TLCD3B: variants seen among roughly 807,000 people sequenced by gnomAD.
TLCD3B encodes the protein TLC domain containing 3B, also known as ceramide synthase.
TLCD3B carries 9 observed loss-of-function variants against 23.0 expected under a neutral mutation model. That is an observed-to-expected ratio of 0.39 (90% confidence interval 0.24 to 0.68). The LOEUF (loss-of-function observed/expected upper bound fraction) is 0.68. TLCD3B is among the 30% of genes least tolerant of loss of function. The probability of loss-of-function intolerance (pLI) is 0.44; values close to 1 mark genes in which losing one functional copy is unlikely to be tolerated. For synonymous variants in TLCD3B, 161 were observed against 161.0 expected (o/e 1.00, Z 0.00); for missense variants, 307 against 371.8 (o/e 0.83, Z 1.43).
chr16:30,030,696 G>A lies in TLCD3B; in HGVS notation c.-169C>T, dbSNP rs1414942154. ...GGGACGGGATGGGGCCAGGGAGTCC[G>A]ATGAAACTGGGGAGTCGGGAGGGGG... is the stretch of plus-strand genomic sequence containing the variant. On this transcript the variant is annotated 5_prime_UTR_variant, in exon 1 of 5. Coordinates refer to ENST00000380495, the MANE Select transcript of TLCD3B (RefSeq NM_031478.6). 17 of 980,646 alleles carry A rather than the reference G, an allele frequency of 1.7e-5. No individual in the cohort carries two copies. Among genetic ancestry groups the A allele is most frequent in the Non-Finnish European group, 1.8e-5 (15 of 822,762 alleles). 60.7% of individuals were successfully genotyped at this position (980,646 alleles called of 1,614,324 possible). A position where few individuals can be genotyped will look rare whatever the true frequency, so the allele number is the denominator to read the frequency against.
intron 2 of TLCD3B, among the ~76,000 whole-genome samples, chr16:30,045,807 C>T (rs2071665119): frequency 6.6e-6 from 1 of 150,774 alleles, no homozygotes; most frequent in Admixed American, 6.7e-5. Flanking sequence ...ACCACATACT[C>T]TGAACCCTTG....
At chr16:30,028,514 C>T (rs2071243824) in intron 2 of TLCD3B, among the ~76,000 whole-genome samples, 1 of 152,128 alleles carries the variant, frequency 6.6e-6, no homozygotes, top group Non-Finnish European at 1.5e-5. Flanking sequence ...CAGCCAAGTC[C>T]CTGGGCGGGG....
In TLCD3B at chr16:30,029,387, GC is replaced by G; in HGVS notation, c.209+44del. 6.4e-7 allele frequency: 1 copy of G among 1,556,778 alleles called. No individual in the cohort carries two copies. Among genetic ancestry groups the G allele is most frequent in the Non-Finnish European group, 8.8e-7 (1 of 1,130,102 alleles). On this transcript the variant is annotated intron_variant, in intron 2 of 4. Coordinates refer to ENST00000380495, the MANE Select transcript of TLCD3B (RefSeq NM_031478.6). This position sits in a 1 kb window ranked among gnomAD's most constrained non-coding sequence, Gnocchi z 4.6. ...GGGTCTTCCGGGATTACCCGTACAC[GC>G]CAACCACTGGCACCTGGGCAGGGGG...
intron 3 of TLCD3B, among the ~76,000 whole-genome samples, chr16:30,037,128 G>C (rs965703520): frequency 1.4e-4 from 21 of 151,084 alleles, no homozygotes; most frequent in Non-Finnish European, 8.9e-5. Flanking sequence ...AAAAAAAACA[G>C]CAAGTGCAGT....
chr16:30,027,925 G>A (rs2150979290), intron 2 of TLCD3B, among the ~76,000 whole-genome samples: 1 of 152,326 alleles, frequency 6.6e-6, no homozygotes, highest in East Asian at 1.9e-4. Context: ...TGAGGCCTCT[G>A]AGGATGGGGA....
chr16:30,042,838 C>T (rs1024742752), intron 2 of TLCD3B, among the ~76,000 whole-genome samples: 5 of 152,046 alleles, frequency 3.3e-5, no homozygotes, highest in African/African-American at 1.2e-4. Flanking sequence ...GTGGCTCACA[C>T]CTGTAATCGC....
intron 1 of TLCD3B, among the ~76,000 whole-genome samples, chr16:30,051,528 AAAAAAAAAAAAGAAAAG>A (rs2071751805): frequency 6.6e-6 from 1 of 150,576 alleles, no homozygotes; most frequent in African/African-American, 2.4e-5. Context: ...TTTCAAAAAA[AAAAAAAAAAAAGAAAAG>A]AAAAGAAAAA....
rs367782870 is a variant in TLCD3B, at chr16:30,037,370, GTC to G, written c.-66-1158_-66-1157del. Reference sequence around the variant, plus strand: ...ATCCTGGCTAACACGGTGAAACCCTGTCTCTATTAAAAATACAAAAAATTTAG... The same window carrying G: ...ATCCTGGCTAACACGGTGAAACCCTGTCTATTAAAAATACAAAAAATTTAG... On this transcript the variant is annotated intron_variant, in intron 3 of 6. Coordinates refer to the TLCD3B transcript ENST00000561666. 4.4e-3 allele frequency among the ~76,000 whole-genome samples: 674 copies of G among 151,792 alleles called. 1 individual carries two copies. Among genetic ancestry groups the G allele is most frequent in the Admixed American group, 8.7e-3 (133 of 15,244 alleles).
upstream of TLCD3B, among the ~76,000 whole-genome samples, chr16:30,031,727 GA>G (rs949392112): frequency 4.6e-5 from 7 of 152,256 alleles, no homozygotes; most frequent in African/African-American, 1.7e-4. Context: ...ACATTGGCCA[GA>G]GGGGGCACCT....
chr16:30,030,624 G>C lies in TLCD3B; in HGVS notation c.-97C>G. On this transcript the variant is annotated 5_prime_UTR_variant, in exon 1 of 5. Coordinates refer to ENST00000380495, the MANE Select transcript of TLCD3B (RefSeq NM_031478.6). ...GGGTGGAGAAGGGACGCCAAGCCCGGGAAGGAGGGAGAAAACGATGAGAAG... is the reference window on the plus strand; with the variant it reads ...GGGTGGAGAAGGGACGCCAAGCCCGCGAAGGAGGGAGAAAACGATGAGAAG... The C allele has an allele frequency of 1.4e-6, 2 of 1,416,650 alleles. No individual in the cohort carries two copies. Among genetic ancestry groups the C allele is most frequent in the East Asian group, 5.5e-5 (2 of 36,162 alleles). The allele number at this position is 1,416,650 out of a possible 1,614,324, so 87.8% of individuals were successfully genotyped here.
upstream of TLCD3B, chr16:30,033,874 A>C (rs2071415934): frequency 6.6e-6 from 1 of 151,916 alleles, no homozygotes. Flanking sequence ...GTTGAGGCAG[A>C]AATGTTGCTT....
chr16:30,041,257 T>C (rs1321793227), intron 2 of TLCD3B: 1 of 152,120 alleles, frequency 6.6e-6, no homozygotes, highest in East Asian at 1.9e-4. Context: ...TTTATTTCTT[T>C]ATGTATTTAT....
Position 30,025,452 on chromosome 16 carries a change from T to C in TLCD3B, c.556A>G (p.Thr186Ala). 1.2e-6 allele frequency: 2 copies of C among 1,612,468 alleles called. No individual in the cohort carries two copies. Among genetic ancestry groups the C allele is most frequent in the Non-Finnish European group, 1.7e-6 (2 of 1,179,526 alleles). Residue 186 changes from threonine to alanine, a missense_variant, in exon 5 of 5, where the codon ACA (threonine) becomes GCA (alanine). Coordinates refer to ENST00000380495, the MANE Select transcript of TLCD3B (RefSeq NM_031478.6). This position sits in a 1 kb window ranked among gnomAD's most constrained non-coding sequence, Gnocchi z 4.1. ...GCCCCGTTCACCTTGTGCAGCAGTGTGTGCTGCTGCTTGTACTGAGGAGAC... is the reference window on the plus strand; with the variant it reads ...GCCCCGTTCACCTTGTGCAGCAGTGCGTGCTGCTGCTTGTACTGAGGAGAC... ...KILIQYKQQHTLLHKVNGALM... is the reference protein window; with the variant it reads ...KILIQYKQQHALLHKVNGALM...
intron 1 of TLCD3B, chr16:30,030,009 G>A (rs1261525825): frequency 3.8e-6 from 5 of 1,321,216 alleles, no homozygotes; most frequent in Non-Finnish European, 4.0e-6. Context: ...CTGTTCTAGG[G>A]GTGTAGAGTT....
At chr16:30,044,099 C>T (rs1278156088) in intron 2 of TLCD3B, among the ~76,000 whole-genome samples, 1 of 147,988 alleles carries the variant, frequency 6.8e-6, no homozygotes, top group Non-Finnish European at 1.5e-5. Context: ...CAGGTTCAAG[C>T]GATTCTCCTG....
Position 30,041,158 on chromosome 16 carries a change from T to C in TLCD3B, c.-228-2A>G, listed in dbSNP as rs1047806700. On this transcript the variant is annotated splice_acceptor_variant, in intron 2 of 6. Transcript: ENST00000561666. LOFTEE classifies it low-confidence loss of function (5UTR_SPLICE). ...CAGTCCAAGGCTGCACAGGCTTGTCTGAGAGAGAAAATATGAGAGGAGAAA... is the reference window on the plus strand; with the variant it reads ...CAGTCCAAGGCTGCACAGGCTTGTCCGAGAGAGAAAATATGAGAGGAGAAA... 6.6e-6 allele frequency: 1 copy of C among 152,216 alleles called. No homozygotes were observed. The highest frequency in any genetic ancestry group is 1.5e-5 in the Non-Finnish European group (1 of 68,042). The allele number at this position is 152,216 out of a possible 1,614,324, so 9.4% of individuals were successfully genotyped here.
chr16:30,032,484 C>T (rs1596754841), upstream of TLCD3B, among the ~76,000 whole-genome samples: 1 of 152,032 alleles, frequency 6.6e-6, no homozygotes, highest in East Asian at 1.9e-4. Context: ...GAGACAATAG[C>T]GGACCTAGCT....
chr16:30,030,563 C>T lies in TLCD3B; in HGVS notation c.-36G>A. The T allele has an allele frequency of 3.9e-6, 6 of 1,536,274 alleles. No individual in the cohort carries two copies. Among genetic ancestry groups the T allele is most frequent in the Non-Finnish European group, 5.2e-6 (6 of 1,146,272 alleles). ...GACTTGGGCAGGGAGGCAGGCGGGC[C>T]GTGAAGGGGCAGGGAGGCCGAGTGG... On this transcript the variant is annotated 5_prime_UTR_variant, in exon 1 of 5. Coordinates refer to ENST00000380495, the MANE Select transcript of TLCD3B (RefSeq NM_031478.6).
At chr16:30,044,914 G>A (rs1412751186) in intron 2 of TLCD3B, among the ~76,000 whole-genome samples, 1 of 151,624 alleles carries the variant, frequency 6.6e-6, no homozygotes, top group Non-Finnish European at 1.5e-5. Context: ...CCAATATGGT[G>A]TAACCCCATC....
Sources: allele counts gnomAD v4.1 joint callset (sites outside exome capture counted in the v4.1 genomes callset), GRCh38; gene constraint gnomAD v4.1.1; non-coding constraint Gnocchi (gnomAD v3.1); transcripts MANE v1.5; gene names NCBI Gene and HGNC (gene_info 2026-07-23, HGNC 2026-07-21).